The following GGT7 variants were observed in gnomAD, a reference collection of about 807,000 sequenced individuals.
GGT7 encodes gamma-glutamyltransferase 7, also known as glutathione hydrolase 7.
Under a neutral mutation model 69.2 loss-of-function variants are expected in GGT7, and 30 were observed. That is an observed-to-expected ratio of 0.43 (90% CI 0.32 to 0.59). GGT7 has a LOEUF of 0.59. Ranked by LOEUF, GGT7 falls within the 20% of genes least tolerant of loss-of-function variation. The probability of loss-of-function intolerance (pLI) is 0.05; values close to 1 mark genes in which losing one functional copy is unlikely to be tolerated. For missense variants in GGT7, 733 were observed against 901.1 expected, an observed-to-expected ratio of 0.81 and a Z score of 2.39; for synonymous variants, 388 against 391.8, an observed-to-expected ratio of 0.99 and a Z score of 0.12.
intron 14 of GGT7, among the ~76,000 whole-genome samples, chr20:34,846,312 C>CTTTTT (rs1555872710): frequency 8.4e-6 from 1 of 119,308 alleles, no homozygotes; most frequent in Admixed American, 9.7e-5. Context: ...TTCTTTCTTT[C>CTTTTT]TTTTTTTTGA....
chr20:34,870,781 GTTTTGTT>G lies in GGT7; in HGVS notation c.169+1859_169+1865del, dbSNP rs1035450788. On this transcript the variant is annotated intron_variant, in intron 1 of 14. Coordinates refer to ENST00000336431, the MANE Select transcript of GGT7 (RefSeq NM_178026.3). ...GCCACCACACCGGCCAGTGTATTTT[GTTTTGTT>G]TTTTGTTTTTTGTTTCTTTTTGAGA... Among the ~76,000 whole-genome samples, 34 of 148,440 alleles carry G rather than the reference GTTTTGTT, an allele frequency of 2.3e-4. No homozygotes were observed. The South Asian group carries it at 2.8e-3, about 12-fold the overall frequency.
At position 34,872,632 on chromosome 20, in the gene GGT7, G is replaced by T; in HGVS notation, c.169+15C>A. On this transcript the variant is annotated intron_variant, in intron 1 of 14. Coordinates refer to ENST00000336431, the MANE Select transcript of GGT7 (RefSeq NM_178026.3). ...CTTCCCAAGGCAGGGCAGGGACGGG[G>T]TCAGCGGGCCTCACCGGTGTCGGGG... 6.9e-7 allele frequency: 1 copy of T among 1,446,744 alleles called. No individual in the cohort carries two copies. The allele number at this position is 1,446,744 out of a possible 1,614,324, so 89.6% of individuals were successfully genotyped here. A position where few individuals can be genotyped will look rare whatever the true frequency, so the allele number is the denominator to read the frequency against.
At chr20:34,862,723 C>T in intron 3 of GGT7, 91 bp downstream of exon 3, 2 of 1,301,536 alleles carry the variant, frequency 1.5e-6, no homozygotes, top group Non-Finnish European at 1.1e-6. Context: ...CCAAAAGCCC[C>T]TCTCCCTAAG....
intron 7 of GGT7, among the ~76,000 whole-genome samples, chr20:34,858,960 C>G (rs1429155126): frequency 6.6e-6 from 1 of 152,218 alleles, no homozygotes; most frequent in Admixed American, 6.5e-5. Context: ...CTCTTGAGGT[C>G]AGGAGTTCGA....
At chr20:34,846,529 C>G (rs1324678600) in intron 14 of GGT7, among the ~76,000 whole-genome samples, 4 of 151,354 alleles carry the variant, frequency 2.6e-5, no homozygotes, top group African/African-American at 9.7e-5. Context: ...AGGCTGGTCT[C>G]GAACTCCTGA....
In GGT7 at chr20:34,872,791, G is replaced by A; in HGVS notation, c.25C>T (p.Gln9Ter). The change falls in exon 1 of 15, where the codon CAG becomes TAG. Residue 9 changes from glutamine to a stop codon, truncating the protein, a stop_gained. Transcript: ENST00000336431. LOFTEE classifies it high-confidence loss of function. MAAENEAS[Q>*]ESALGAYSPV... ...GAGTAGGCGCCCAGGGCGCTCTCCT[G>A]GCTGGCCTCGTTCTCCGCCGCCATC... 7.2e-7 allele frequency: 1 copy of A among 1,380,290 alleles called. No homozygotes were observed. The highest frequency in any genetic ancestry group is 9.4e-7 in the Non-Finnish European group (1 of 1,059,924). 85.5% of individuals were successfully genotyped at this position (1,380,290 alleles called of 1,614,324 possible). A position where few individuals can be genotyped will look rare whatever the true frequency, so the allele number is the denominator to read the frequency against.
chr20:34,864,446 C>T (rs760888853), intron 1 of GGT7, among the ~76,000 whole-genome samples: 52 of 152,086 alleles, frequency 3.4e-4, no homozygotes, highest in African/African-American at 1.2e-3. Context: ...ACATACTGAG[C>T]GCAGTGGCTC....
At position 34,849,948 on chromosome 20, in the gene GGT7, G is replaced by A. The variant is rs1001938186; in HGVS notation, c.1825+13C>T. The A allele has an allele frequency of 7.0e-6, 11 of 1,564,372 alleles. No individual in the cohort carries two copies. In the East Asian group the frequency reaches 2.2e-4, roughly 32 times the overall value. ...CCTGTGCCCGCCCCACGAGGTCTCT[G>A]CTCTGCACTCACTGTCCACCTGCAG... On this transcript the variant is annotated intron_variant, in intron 14 of 14. Transcript: ENST00000336431.
At chr20:34,871,064 G>C (rs747625233) in intron 1 of GGT7, among the ~76,000 whole-genome samples, 2 of 152,156 alleles carry the variant, frequency 1.3e-5, no homozygotes, top group African/African-American at 2.4e-5. Context: ...CACCGCGCCC[G>C]GCCTATGGAT....
At chr20:34,859,395 A>C in intron 7 of GGT7, 48 bp downstream of exon 7, 1 of 1,452,058 alleles carries the variant, frequency 6.9e-7, no homozygotes, top group South Asian at 1.4e-5. Context: ...GATGTCCTGC[A>C]ATAGGGACCT....
At chr20:34,847,937 A>T (rs973431528) in intron 14 of GGT7, among the ~76,000 whole-genome samples, 1 of 152,092 alleles carries the variant, frequency 6.6e-6, no homozygotes, top group Non-Finnish European at 1.5e-5. Context: ...ACAAAAATGC[A>T]AAAATTAGCT....
chr20:34,861,015 C>T (rs746681867), intron 4 of GGT7, among the ~76,000 whole-genome samples: 6 of 152,176 alleles, frequency 3.9e-5, no homozygotes, highest in South Asian at 2.1e-4. Flanking sequence ...CTTTTGCCAC[C>T]GCACTAAGTA....
In GGT7 at chr20:34,857,895, G is replaced by A. The variant is rs559451650; in HGVS notation, c.1015-1002C>T. 2.0e-5 allele frequency among the ~76,000 whole-genome samples: 3 copies of A among 152,318 alleles called. No individual in the cohort carries two copies. In the South Asian group the frequency reaches 6.2e-4, roughly 32 times the overall value. ...TGGCCTCCCAAAGTGGGGATTACAGGCATGAGCCACCATGGCCTGGCCCAT... is the reference window on the plus strand; with the variant it reads ...TGGCCTCCCAAAGTGGGGATTACAGACATGAGCCACCATGGCCTGGCCCAT... On this transcript the variant is annotated intron_variant, in intron 7 of 14. Coordinates refer to ENST00000336431, the MANE Select transcript of GGT7 (RefSeq NM_178026.3).
At chr20:34,851,493 G>A in intron 12 of GGT7, 125 bp from the exon 13 acceptor site, 1 of 957,352 alleles carries the variant, frequency 1.0e-6, no homozygotes, top group Non-Finnish European at 1.6e-6. Flanking sequence ...GTTTTCCTGG[G>A]AGACTGGTCC....
chr20:34,869,330 C>A (rs867339070), intron 1 of GGT7, among the ~76,000 whole-genome samples: 13 of 152,106 alleles, frequency 8.5e-5, no homozygotes, highest in South Asian at 8.3e-4. Context: ...CACCACCACA[C>A]CTGGCTAATT....
intron 1 of GGT7, among the ~76,000 whole-genome samples, chr20:34,869,709 A>G (rs183197299): frequency 1.3e-5 from 2 of 152,284 alleles, no homozygotes; most frequent in Admixed American, 1.3e-4. Context: ...AAATGAGAAG[A>G]AAAGGAGGAG....
chr20:34,851,668 C>T (rs2079396131), intron 12 of GGT7, among the ~76,000 whole-genome samples: 1 of 152,168 alleles, frequency 6.6e-6, no homozygotes, highest in Admixed American at 6.5e-5. Context: ...AGGATAACCC[C>T]ACCCTGATCA....
At position 34,855,918 on chromosome 20, in the gene GGT7, C is replaced by T. The variant is rs114727229; in HGVS notation, c.1102+888G>A. Among the ~76,000 whole-genome samples, 1,127 of 152,194 alleles carry T rather than the reference C, an allele frequency of 7.4e-3. 16 individuals carry two copies. Among genetic ancestry groups the T allele is most frequent in the African/African-American group, 0.026 (1,089 of 41,498 alleles). Reference sequence around the variant, plus strand: ...CAAGCAATCCTCCCATCTCAACCTCCTGAGTAGCTAGGACTATAGGTACAC... The same window carrying T: ...CAAGCAATCCTCCCATCTCAACCTCTTGAGTAGCTAGGACTATAGGTACAC... On this transcript the variant is annotated intron_variant, in intron 8 of 14. Transcript: ENST00000336431.
intron 1 of GGT7, among the ~76,000 whole-genome samples, chr20:34,869,529 G>C (rs1441593683): frequency 1.3e-5 from 2 of 152,180 alleles, no homozygotes; most frequent in Admixed American, 6.5e-5. Context: ...TGGATGGATT[G>C]GGGTGGGGAC....
Sources: allele counts gnomAD v4.1 joint callset (sites outside exome capture counted in the v4.1 genomes callset), GRCh38; gene constraint gnomAD v4.1.1; transcripts MANE v1.5; gene names NCBI Gene and HGNC (gene_info 2026-07-23, HGNC 2026-07-21).